The following CAPN9 variants were observed in gnomAD, a reference collection of about 807,000 sequenced individuals.
The protein encoded by CAPN9 is calpain-9.
CAPN9 carries 81 observed loss-of-function variants against 92.8 expected under a neutral mutation model. That is an observed-to-expected ratio of 0.87 (90% CI 0.73 to 1.05). The LOEUF (loss-of-function observed/expected upper bound fraction) is 1.05, where lower values mean the gene tolerates loss of function less well. Ranked by LOEUF, CAPN9 falls within the 50% of genes least tolerant of loss-of-function variation. CAPN9 has a pLI of 0.00. For missense variants in CAPN9, 848 were observed against 866.2 expected, an observed-to-expected ratio of 0.98 and a Z score of 0.26; for synonymous variants, 304 against 328.0, an observed-to-expected ratio of 0.93 and a Z score of 0.79.
Position 230,789,017 on chromosome 1 carries a change from C to T in CAPN9, c.1600-1115C>T, listed in dbSNP as rs1667794926. ...AGTTGGATGACTTGGGCACATGGCT[C>T]CATTTCTCTTTCCTCCTCTTTCAGT... On this transcript the variant is annotated intron_variant, in intron 13 of 19. Transcript: ENST00000271971. 2.0e-5 allele frequency among the ~76,000 whole-genome samples: 3 copies of T among 152,148 alleles called. No individual in the cohort carries two copies. The South Asian group carries it at 6.2e-4, about 32-fold the overall frequency.
chr1:230,755,063 T>A (rs1572013248), intron 1 of CAPN9, among the ~76,000 whole-genome samples: 1 of 152,134 alleles, frequency 6.6e-6, no homozygotes, highest in African/African-American at 2.4e-5. Flanking sequence ...TGTGGCCGGG[T>A]GTGGCCTGTG....
chr1:230,774,739 C>CTTTCTTTCTTTCT (rs1479419451), intron 8 of CAPN9, 108 bp downstream of exon 8: 15 of 385,280 alleles, frequency 3.9e-5, no homozygotes, highest in Non-Finnish European at 5.1e-5. Flanking sequence ...TTCTTTCTTT[C>CTTTCTTTCTTTCT]TTTTTTTTTT....
chr1:230,754,516 G>C (rs1665095248), intron 1 of CAPN9, among the ~76,000 whole-genome samples: 1 of 151,200 alleles, frequency 6.6e-6, no homozygotes, highest in Non-Finnish European at 1.5e-5. Flanking sequence ...TCTGTAAAAA[G>C]AAACACTGAG....
chr1:230,762,109 C>T (rs1665684191), intron 3 of CAPN9, among the ~76,000 whole-genome samples: 1 of 152,230 alleles, frequency 6.6e-6, no homozygotes, highest in African/African-American at 2.4e-5. Flanking sequence ...CATGTCTCCT[C>T]ACTGGCACGC....
At position 230,769,205 on chromosome 1, in the gene CAPN9, C is replaced by T; in HGVS notation, c.731C>T (p.Ala244Val). The T allele has an allele frequency of 6.2e-7, 1 of 1,614,100 alleles. No individual in the cohort carries two copies. The highest frequency in any genetic ancestry group is 1.3e-5 in the African/African-American group (1 of 75,056). Residue 244 changes from alanine (A) to valine (V), a missense_variant, in exon 6 of 20, where the codon GCC becomes GTC. Transcript: ENST00000271971. ...ACCAGAAGTGCTGCAGAATCTGAGG[C>T]CCGGACGCCGTTTGGTCTTATTAAG... ...IDTRSAAESE[A>V]RTPFGLIKGH... is the part of the protein sequence containing the mutation.
rs578209556 is a variant in CAPN9, at chr1:230,755,406, G to A, written c.283G>A (p.Gly95Arg). The A allele has an allele frequency of 1.2e-6, 2 of 1,605,222 alleles. No individual in the cohort carries two copies. The highest frequency in any genetic ancestry group is 2.3e-5 in the East Asian group (1 of 44,198). ...TRTDICQGEL[G>R]DCWLLAAIAS... ...GACTGATATCTGCCAGGGAGAGCTG[G>A]GTGAGTGTAAGTGGATGGAGCATGG... The change falls in exon 2 of 20, where the codon GGA becomes AGA. Residue 95 changes from glycine to arginine, a missense_variant and splice_region_variant. Coordinates refer to ENST00000271971, the MANE Select transcript of CAPN9 (RefSeq NM_006615.3).
intron 8 of CAPN9, among the ~76,000 whole-genome samples, chr1:230,777,639 C>T (rs1666900884): frequency 6.6e-6 from 1 of 152,118 alleles, no homozygotes; most frequent in Admixed American, 6.5e-5. Context: ...CCTCTTCTCC[C>T]TTACTCTCTC....
intron 18 of CAPN9, 99 bp downstream of exon 18, chr1:230,795,378 A>G (rs1276565407): frequency 9.7e-6 from 7 of 719,762 alleles, no homozygotes; most frequent in Non-Finnish European, 1.7e-5. Flanking sequence ...AATGGCAAAG[A>G]TAGACCACAG....
At chr1:230,756,426 T>C (rs1419911109) in intron 2 of CAPN9, among the ~76,000 whole-genome samples, 2 of 152,132 alleles carry the variant, frequency 1.3e-5, no homozygotes, top group Admixed American at 1.3e-4. Flanking sequence ...GATAGGTTGA[T>C]TGATTGACTG....
intron 8 of CAPN9, 101 bp from the exon 9 acceptor site, chr1:230,778,872 A>C (rs571490494): frequency 2.9e-5 from 33 of 1,121,984 alleles, no homozygotes; most frequent in Non-Finnish European, 3.7e-5. Flanking sequence ...GGACAGGAAC[A>C]AGATGATTTA....
intron 13 of CAPN9, among the ~76,000 whole-genome samples, chr1:230,788,727 C>T (rs998474400): frequency 5.3e-5 from 8 of 152,042 alleles, no homozygotes; most frequent in East Asian, 1.9e-4. Context: ...CAGCCCTGGG[C>T]GGGACAGAGC....
chr1:230,767,111 A>G (rs1315415911), intron 4 of CAPN9, among the ~76,000 whole-genome samples: 1 of 152,234 alleles, frequency 6.6e-6, no homozygotes, highest in East Asian at 1.9e-4. Context: ...CTCTATCCAC[A>G]TAGCCAGGCC....
intron 1 of CAPN9, among the ~76,000 whole-genome samples, chr1:230,751,671 GAAAGAAAGAAA>G (rs1558080314): frequency 6.3e-5 from 3 of 47,672 alleles, no homozygotes; most frequent in Non-Finnish European, 1.2e-4. Flanking sequence ...AAGAAAGAAA[GAAAGAAAGAAA>G]GAAGGGTGGC....
chr1:230,749,140 CAGTG>C (rs1240298338), intron 1 of CAPN9, among the ~76,000 whole-genome samples: 1 of 152,224 alleles, frequency 6.6e-6, no homozygotes, highest in Non-Finnish European at 1.5e-5. Flanking sequence ...GGGGAAATCA[CAGTG>C]AGCATTCAGT....
chr1:230,792,300 G>A, intron 15 of CAPN9, 126 bp from the exon 16 acceptor site: 1 of 733,288 alleles, frequency 1.4e-6, no homozygotes, highest in South Asian at 1.7e-5. Context: ...CACTTCCCCA[G>A]GGCCCCAAAC....
chr1:230,776,599 G>A (rs953839383), intron 8 of CAPN9: 1 of 152,102 alleles, frequency 6.6e-6, no homozygotes, highest in Non-Finnish European at 1.5e-5. Context: ...ATATATAAAG[G>A]CTCAAACACA....
intron 14 of CAPN9, among the ~76,000 whole-genome samples, chr1:230,791,477 C>T (rs1232611245): frequency 6.6e-6 from 1 of 152,160 alleles, no homozygotes; most frequent in East Asian, 1.9e-4. Context: ...AAACATGATT[C>T]CTAAGGGTCG....
rs1393387004 is a variant in CAPN9 at position 230,786,001 on chromosome 1, A to G, written c.1502A>G (p.Asp501Gly). ...AITRDMDGNV[D>G]IDLPEPPKPT... ...TACAGGGATATGGATGGAAATGTAG[A>G]CATTGACCTTCCTGAGGTGAGTCTT... The change falls in exon 12 of 20, where the codon GAC becomes GGC. Residue 501 changes from aspartate to glycine, a missense_variant. Coordinates refer to ENST00000271971, the MANE Select transcript of CAPN9 (RefSeq NM_006615.3). The G allele has an allele frequency of 3.7e-6, 6 of 1,614,086 alleles. No individual in the cohort carries two copies. Among genetic ancestry groups the G allele is most frequent in the Non-Finnish European group, 5.1e-6 (6 of 1,179,912 alleles).
At chr1:230,755,558 A>T in intron 2 of CAPN9, 152 bp downstream of exon 2, 1 of 594,664 alleles carries the variant, frequency 1.7e-6, no homozygotes. Context: ...CTCTGAATGG[A>T]GTCCAGTGGC....
Sources: allele counts gnomAD v4.1 joint callset (sites outside exome capture counted in the v4.1 genomes callset), GRCh38; gene constraint gnomAD v4.1.1; transcripts MANE v1.5; gene names NCBI Gene and HGNC (gene_info 2026-07-23, HGNC 2026-07-21).